CD63: variants seen among roughly 807,000 people sequenced by gnomAD.
The protein encoded by CD63 is CD63 molecule.
In CD63, 16 loss-of-function variants were observed where a neutral mutation model predicts 29.2. The observed-to-expected ratio is 0.55, with a 90% CI of 0.37 to 0.83. CD63 has a LOEUF of 0.83. Among genes scored for constraint, CD63 ranks in the 40% least tolerant of loss-of-function variants. CD63 has a pLI of 0.00. For synonymous variants in CD63, 118 were observed against 111.7 expected (o/e 1.06, Z -0.36); for missense variants, 251 against 297.3 (o/e 0.84, Z 1.15).
downstream of CD63, chr12:55,724,129 G>A (rs1441590166): frequency 1.3e-6 from 2 of 1,541,132 alleles, no homozygotes; most frequent in Non-Finnish European, 1.8e-6. Context: ...CCTGCTAGGA[G>A]GTGGGTGGGG....
rs757919357 is a variant in CD63, at chr12:55,726,806, G to A, written c.331-11C>T. On this transcript the variant is annotated splice_polypyrimidine_tract_variant and intron_variant, in intron 4 of 7. Transcript: ENST00000257857. ...AAACTCTGACATCACCTGAGAGTAC[G>A]GAGGAGCACTGTTGCAGTCAGAATT... 12 of 1,610,012 alleles carry A rather than the reference G, an allele frequency of 7.5e-6. No individual in the cohort carries two copies. The highest frequency in any genetic ancestry group is 2.2e-5 in the East Asian group (1 of 44,870).
downstream of CD63, chr12:55,723,999 G>A (rs571658392): frequency 3.2e-5 from 51 of 1,613,432 alleles, no homozygotes; most frequent in East Asian, 2.5e-4. Flanking sequence ...TGCTGGGCAC[G>A]GCTGCCTCCT....
rs757300400 is a variant in CD63, at chr12:55,726,241, A to G, written c.447T>C (p.Ala149=). The G allele has an allele frequency of 1.9e-6, 3 of 1,612,258 alleles. No individual in the cohort carries two copies. In the South Asian group the frequency reaches 3.3e-5, roughly 18 times the overall value. The change falls in exon 6 of 8, where the codon GCT becomes GCC. Residue 149 remains alanine (A), a synonymous_variant. Transcript: ENST00000257857. ...MQADFKCCGA[A]NYTDWEKIPS... Reference sequence around the variant, plus strand: ...GGATTTTCTCCCAATCTGTGTAGTTAGCAGCCCCACAGCACTTAAACTGGG... The same window carrying G: ...GGATTTTCTCCCAATCTGTGTAGTTGGCAGCCCCACAGCACTTAAACTGGG...
chr12:55,724,869 A>G (rs906290615), downstream of CD63, among the ~76,000 whole-genome samples: 1 of 152,042 alleles, frequency 6.6e-6, no homozygotes, highest in African/African-American at 2.4e-5. Context: ...ACTTTAATAC[A>G]TTTCCCTTAT....
chr12:55,726,579 A>G, intron 5 of CD63, 121 bp downstream of exon 5: 1 of 791,910 alleles, frequency 1.3e-6, no homozygotes, highest in Non-Finnish European at 2.2e-6. Flanking sequence ...TTCTGACCTC[A>G]GGTGATCTGC....
chr12:55,727,445 G>T (rs563854963), intron 2 of CD63, 106 bp from the exon 3 acceptor site: 2 of 1,279,256 alleles, frequency 1.6e-6, no homozygotes, highest in Non-Finnish European at 2.1e-6. Flanking sequence ...CCATCCGGAA[G>T]AGAGATTCTC....
At chr12:55,729,281 C>A (rs1877756107), upstream of CD63, 1 of 277,968 alleles carries the variant, frequency 3.6e-6, no homozygotes, top group Non-Finnish European at 5.5e-6. Context: ...TGGCGCTATA[C>A]CTCCGTGCCA....
chr12:55,723,874 C>T, downstream of CD63: 1 of 1,613,018 alleles, frequency 6.2e-7, no homozygotes, highest in Non-Finnish European at 8.5e-7. Context: ...CTTCGCTCTG[C>T]CCCGACTCTA....
chr12:55,724,052 G>A (rs1485489214), downstream of CD63: 1 of 1,608,134 alleles, frequency 6.2e-7, no homozygotes, highest in East Asian at 2.2e-5. Flanking sequence ...CACCAAGTGT[G>A]AGTAGCCAGG....
intron 6 of CD63, 56 bp downstream of exon 6, chr12:55,726,065 T>C (rs1337374404): frequency 6.3e-7 from 1 of 1,597,178 alleles, no homozygotes; most frequent in Non-Finnish European, 8.6e-7. Context: ...CTGGGTCTCT[T>C]GCATTCTAAA....
At chr12:55,724,368 C>T (rs1157942560), downstream of CD63, 1 of 1,614,188 alleles carries the variant, frequency 6.2e-7, no homozygotes, top group Non-Finnish European at 8.5e-7. Flanking sequence ...GTGACCCGGA[C>T]CTAACCAAGG....
chr12:55,726,203 T>C lies in CD63; in HGVS notation c.485A>G (p.Lys162Arg), dbSNP rs1192640637. The C allele has an allele frequency of 1.9e-6, 3 of 1,613,924 alleles. No individual in the cohort carries two copies. Residue 162 changes from lysine (K) to arginine (R), a missense_variant, in exon 6 of 8, where the codon AAG (lysine) becomes AGG (arginine). Transcript: ENST00000257857. ...GCAGCAGGAGTCGGGGACTCGGTTCTTCGACATGGAAGGGATTTTCTCCCA... is the reference window on the plus strand; with the variant it reads ...GCAGCAGGAGTCGGGGACTCGGTTCCTCGACATGGAAGGGATTTTCTCCCA... ...TDWEKIPSMS[K>R]NRVPDSCCIN...
At chr12:55,726,414 G>A (rs1053203373) in intron 5 of CD63, 153 bp from the exon 6 acceptor site, 18 of 713,622 alleles carry the variant, frequency 2.5e-5, no homozygotes, top group Middle Eastern at 4.2e-4. Context: ...GCTCAATCTC[G>A]GCTCACTGCA....
intron 2 of CD63, chr12:55,727,715 G>A: frequency 9.6e-7 from 1 of 1,046,996 alleles, no homozygotes; most frequent in Non-Finnish European, 1.2e-6. Flanking sequence ...CGCATCAGCT[G>A]TGACTAAGGT....
Position 55,728,845 on chromosome 12 carries a change from G to C in CD63, c.-12+108C>G, listed in dbSNP as rs944664011. On this transcript the variant is annotated intron_variant, in intron 1 of 7. Coordinates refer to ENST00000257857, the MANE Select transcript of CD63 (RefSeq NM_001780.6). This position sits in a 1 kb window ranked among gnomAD's most constrained non-coding sequence, Gnocchi z 4.8. ...AAGCAAAGTTGCTCCAGGGCGGCTGGAGAGCGCCGGACGAGTCTCCGCGGG... is the reference window on the plus strand; with the variant it reads ...AAGCAAAGTTGCTCCAGGGCGGCTGCAGAGCGCCGGACGAGTCTCCGCGGG... 26 of 990,290 alleles carry C rather than the reference G, an allele frequency of 2.6e-5. No homozygotes were observed. The highest frequency in any genetic ancestry group is 2.8e-5 in the Non-Finnish European group (23 of 832,950). The allele number at this position is 990,290 out of a possible 1,614,324, so 61.3% of individuals were successfully genotyped here.
intron 3 of CD63, 41 bp downstream of exon 3, chr12:55,727,110 G>A (rs1877480036): frequency 1.3e-6 from 2 of 1,595,008 alleles, no homozygotes; most frequent in Non-Finnish European, 1.7e-6. Flanking sequence ...AGCTGCTCTG[G>A]CAGTCCCAGA....
At chr12:55,726,386 GA>G in intron 5 of CD63, 125 bp from the exon 6 acceptor site, 1 of 853,720 alleles carries the variant, frequency 1.2e-6, no homozygotes, top group Non-Finnish European at 1.7e-6. Flanking sequence ...CTGTTGCCCA[GA>G]CAAGTGCCCA....
At chr12:55,723,912 G>A (rs200846937), downstream of CD63, 41 of 1,614,070 alleles carry the variant, frequency 2.5e-5, no homozygotes, top group East Asian at 6.5e-4. Context: ...TTTGGGATAC[G>A]AGTCTCCATC....
Position 55,728,022 on chromosome 12 carries a change from G to A in CD63, c.66+254C>T, listed in dbSNP as rs963633580. On this transcript the variant is annotated intron_variant, in intron 2 of 7. Coordinates refer to ENST00000257857, the MANE Select transcript of CD63 (RefSeq NM_001780.6). The surrounding 1 kb of genome is among the most constrained non-coding windows in gnomAD (Gnocchi z 4.8). Reference sequence around the variant, plus strand: ...CACTGCCCCATATCACAAGTGGTTGGGTCACCAGACAGGAAGGGCCAGGAG... The same window carrying A: ...CACTGCCCCATATCACAAGTGGTTGAGTCACCAGACAGGAAGGGCCAGGAG... 2 of 919,420 alleles carry A rather than the reference G, an allele frequency of 2.2e-6. No individual in the cohort carries two copies. Among genetic ancestry groups the A allele is most frequent in the Non-Finnish European group, 1.5e-6 (1 of 647,102 alleles). 57.0% of individuals were successfully genotyped at this position (919,420 alleles called of 1,614,324 possible).
Sources: allele counts gnomAD v4.1 joint callset (sites outside exome capture counted in the v4.1 genomes callset), GRCh38; gene constraint gnomAD v4.1.1; non-coding constraint Gnocchi (gnomAD v3.1); transcripts MANE v1.5; gene names NCBI Gene and HGNC (gene_info 2026-07-23, HGNC 2026-07-21).